The following CNTNAP2 variants were observed in gnomAD, a reference collection of about 807,000 sequenced individuals.
The protein encoded by CNTNAP2 is contactin associated protein 2, also known as contactin-associated protein-like 2.
CNTNAP2 carries 98 observed loss-of-function variants against 155.2 expected under a neutral mutation model. That is an observed-to-expected ratio of 0.63 (90% CI 0.54 to 0.75). The LOEUF (loss-of-function observed/expected upper bound fraction) is 0.75, where lower values mean the gene tolerates loss of function less well. CNTNAP2 is among the 30% of genes least tolerant of loss of function. The probability of loss-of-function intolerance (pLI) is 0.00; values close to 1 mark genes in which losing one functional copy is unlikely to be tolerated. For synonymous variants in CNTNAP2, 651 were observed against 631.2 expected (o/e 1.03, Z -0.47); for missense variants, 1,727 against 1,688.1 (o/e 1.02, Z -0.40).
chr7:147,440,035 A>AT, intron 10 of CNTNAP2, among the ~76,000 whole-genome samples: 1 of 151,984 alleles, frequency 6.6e-6, no homozygotes. Flanking sequence ...ACTTCTTTTC[A>AT]TTGGAGAGTT....
intron 1 of CNTNAP2, among the ~76,000 whole-genome samples, chr7:146,667,519 G>T (rs899566808): frequency 2.0e-5 from 3 of 151,654 alleles, no homozygotes; most frequent in African/African-American, 7.3e-5. Flanking sequence ...AGTGTCGTTT[G>T]TATTTTTATA....
chr7:147,533,785 A>C (rs943116122), intron 11 of CNTNAP2, among the ~76,000 whole-genome samples: 1 of 152,168 alleles, frequency 6.6e-6, no homozygotes, highest in African/African-American at 2.4e-5. Context: ...TGGTAAGAAT[A>C]GTTTTAACTA....
chr7:146,897,913 G>C (rs1795910149), intron 3 of CNTNAP2, among the ~76,000 whole-genome samples: 1 of 151,706 alleles, frequency 6.6e-6, no homozygotes, highest in African/African-American at 2.4e-5. Flanking sequence ...TATCCCCCTA[G>C]AATTTTAATT....
At chr7:147,954,025 A>C (rs1207217834) in intron 14 of CNTNAP2, among the ~76,000 whole-genome samples, 3 of 152,190 alleles carry the variant, frequency 2.0e-5, no homozygotes, top group African/African-American at 7.2e-5. Context: ...ACACCAATTT[A>C]CATGAAAAAG....
At chr7:147,002,944 CAAAAAAAAAAAAA>C (rs773401142) in intron 3 of CNTNAP2, among the ~76,000 whole-genome samples, 10 of 52,940 alleles carry the variant, frequency 1.9e-4, no homozygotes, top group South Asian at 1.7e-3. Context: ...ATGTTCCTTC[CAAAAAAAAAAAAA>C]AAAAAAAAAA....
intron 1 of CNTNAP2, among the ~76,000 whole-genome samples, chr7:146,123,248 C>A (rs1165849679): frequency 6.6e-6 from 1 of 152,150 alleles, no homozygotes; most frequent in Non-Finnish European, 1.5e-5. Flanking sequence ...GCTTGAAATA[C>A]CCTCATAAAC....
At position 146,284,239 on chromosome 7, in the gene CNTNAP2, A is replaced by T. The variant is rs540295249; in HGVS notation, c.97+167266A>T. 4.8e-4 allele frequency among the ~76,000 whole-genome samples: 73 copies of T among 152,318 alleles called. No homozygotes were observed. In the South Asian group the frequency reaches 9.3e-3, roughly 19 times the overall value. Reference sequence around the variant, plus strand: ...GTAAACTCAAAATTGTATCGTTAGCATTGCACAATCTAAAATATTCGGAGA... The same window carrying T: ...GTAAACTCAAAATTGTATCGTTAGCTTTGCACAATCTAAAATATTCGGAGA... On this transcript the variant is annotated intron_variant, in intron 1 of 23. Coordinates refer to ENST00000361727, the MANE Select transcript of CNTNAP2 (RefSeq NM_014141.6).
intron 1 of CNTNAP2, among the ~76,000 whole-genome samples, chr7:146,654,683 T>G (rs1799967228): frequency 6.6e-6 from 1 of 152,180 alleles, no homozygotes; most frequent in Admixed American, 6.5e-5. Context: ...GTTTAATACA[T>G]CACTTTCCTG....
chr7:146,462,110 G>A (rs190607282), intron 1 of CNTNAP2, among the ~76,000 whole-genome samples: 3 of 152,164 alleles, frequency 2.0e-5, no homozygotes, highest in Non-Finnish European at 2.9e-5. Flanking sequence ...GAAGACCTCC[G>A]AAAAATAGGT....
At chr7:148,263,565 C>T (rs1211125810) in intron 20 of CNTNAP2, among the ~76,000 whole-genome samples, 2 of 151,918 alleles carry the variant, frequency 1.3e-5, no homozygotes, top group Non-Finnish European at 1.5e-5. Context: ...AGTGAAACCC[C>T]GTCTCTACTA....
At chr7:146,244,874 G>T (rs890661533) in intron 1 of CNTNAP2, among the ~76,000 whole-genome samples, 6 of 151,890 alleles carry the variant, frequency 4.0e-5, no homozygotes, top group Non-Finnish European at 8.8e-5. Context: ...TATCTGACTC[G>T]GGGCATGTTG....
At chr7:148,241,793 CT>C (rs1306767470) in intron 20 of CNTNAP2, among the ~76,000 whole-genome samples, 1 of 152,254 alleles carries the variant, frequency 6.6e-6, no homozygotes, top group Non-Finnish European at 1.5e-5. Flanking sequence ...TATGTCAACA[CT>C]TCCACATTTT....
intron 13 of CNTNAP2, among the ~76,000 whole-genome samples, chr7:147,800,454 T>C (rs1797966295): frequency 6.6e-6 from 1 of 151,944 alleles, no homozygotes; most frequent in African/African-American, 2.4e-5. Context: ...AAAAGCATTT[T>C]AAGCAAAGGC....
intron 9 of CNTNAP2, among the ~76,000 whole-genome samples, chr7:147,340,600 C>T (rs1419640573): frequency 1.3e-5 from 2 of 152,054 alleles, no homozygotes; most frequent in African/African-American, 4.8e-5. Flanking sequence ...TCCTTGTCAA[C>T]CTCTAGCCAT....
At chr7:147,898,441 C>G (rs1182206369) in intron 13 of CNTNAP2, among the ~76,000 whole-genome samples, 2 of 152,180 alleles carry the variant, frequency 1.3e-5, no homozygotes, top group African/African-American at 4.8e-5. Flanking sequence ...TATTTCTGAG[C>G]ACTCATAGAG....
chr7:147,894,937 TTTTC>T lies in CNTNAP2; in HGVS notation c.2099-8600_2099-8597del, dbSNP rs554440037. ...AAATAACAGAAATCTATTGGTTTCT[TTTTC>T]TTTCTTTCTTTCTTTCTTTCTTTCT... On this transcript the variant is annotated intron_variant, in intron 13 of 23. Coordinates refer to ENST00000361727, the MANE Select transcript of CNTNAP2 (RefSeq NM_014141.6). Among the ~76,000 whole-genome samples, 711 of 96,440 alleles carry T rather than the reference TTTTC, an allele frequency of 7.4e-3. 40 individuals carry two copies. Among genetic ancestry groups the T allele is most frequent in the Non-Finnish European group, 1.0e-2 (529 of 52,970 alleles). The allele number at this position is 96,440 out of a possible 152,430, so 63.3% of individuals were successfully genotyped here.
At chr7:147,646,512 G>A (rs1288969917) in intron 13 of CNTNAP2, among the ~76,000 whole-genome samples, 2 of 152,064 alleles carry the variant, frequency 1.3e-5, no homozygotes, top group Non-Finnish European at 2.9e-5. Flanking sequence ...GAATCCTAAT[G>A]TTTTCCATTC....
intron 17 of CNTNAP2, among the ~76,000 whole-genome samples, chr7:148,155,918 C>A (rs940536709): frequency 6.6e-6 from 1 of 152,166 alleles, no homozygotes; most frequent in African/African-American, 2.4e-5. Context: ...GCTCCCACAG[C>A]TTCCCACAAC....
At chr7:148,171,979 G>A (rs772373998) in intron 17 of CNTNAP2, among the ~76,000 whole-genome samples, 1 of 152,214 alleles carries the variant, frequency 6.6e-6, no homozygotes, top group Non-Finnish European at 1.5e-5. Flanking sequence ...TTCCAAAACA[G>A]CTGATATAAT....
Sources: allele counts gnomAD v4.1 joint callset (sites outside exome capture counted in the v4.1 genomes callset), GRCh38; gene constraint gnomAD v4.1.1; transcripts MANE v1.5; gene names NCBI Gene and HGNC (gene_info 2026-07-23, HGNC 2026-07-21).